The following ANGPT1 variants were observed in gnomAD, a reference collection of about 807,000 sequenced individuals.
ANGPT1 encodes the protein angiopoietin 1, also known as angiopoietin-1.
In ANGPT1, 17 loss-of-function variants were observed where a neutral mutation model predicts 62.2. The ratio of observed to expected loss-of-function variants is 0.27; its 90% CI spans 0.19 to 0.41. The LOEUF is 0.41. ANGPT1 is among the 10% of genes least tolerant of loss of function. The pLI is 1.00. For synonymous variants in ANGPT1, 199 were observed against 198.9 expected (o/e 1.00, Z 0.00); for missense variants, 478 against 594.9 (o/e 0.80, Z 2.04).
intron 4 of ANGPT1, among the ~76,000 whole-genome samples, chr8:107,305,389 G>A (rs1814690450): frequency 6.6e-6 from 1 of 151,790 alleles, no homozygotes; most frequent in South Asian, 2.1e-4. Flanking sequence ...TATGTATGGA[G>A]AACACATTCC....
chr8:107,450,955 T>TGAG (rs1811762782), intron 1 of ANGPT1, among the ~76,000 whole-genome samples: 1 of 151,846 alleles, frequency 6.6e-6, no homozygotes, highest in African/African-American at 2.4e-5. Flanking sequence ...AATGTATGAC[T>TGAG]GCCTTCTACA....
chr8:107,490,781 T>C (rs146472065), intron 1 of ANGPT1, among the ~76,000 whole-genome samples: 209 of 152,288 alleles, frequency 1.4e-3, no homozygotes, highest in Middle Eastern at 6.8e-3. Flanking sequence ...AATGAATTAG[T>C]GTGGCTCTGT....
In ANGPT1 at chr8:107,356,632, G is replaced by A. The variant is rs1816052801; in HGVS notation, c.298-9535C>T. Among the ~76,000 whole-genome samples, 5 of 152,160 alleles carry A rather than the reference G, an allele frequency of 3.3e-5. No individual in the cohort carries two copies. The South Asian group carries it at 6.2e-4, about 19-fold the overall frequency. On this transcript the variant is annotated intron_variant, in intron 1 of 8. Coordinates refer to ENST00000517746, the MANE Select transcript of ANGPT1 (RefSeq NM_001146.5). ...TAGAGCTTATATCTGAAAAAATACA[G>A]CCTGGAAAAATTGAGGGCTAGGGGA...
At chr8:107,272,707 G>A (rs1297340916) in intron 7 of ANGPT1, among the ~76,000 whole-genome samples, 1 of 150,620 alleles carries the variant, frequency 6.6e-6, no homozygotes, top group Non-Finnish European at 1.5e-5. Context: ...TGCTGACAGA[G>A]TGCTCTCTAT....
chr8:107,300,483 G>T (rs1334661412), intron 5 of ANGPT1, among the ~76,000 whole-genome samples: 1 of 151,610 alleles, frequency 6.6e-6, no homozygotes, highest in Non-Finnish European at 1.5e-5. Context: ...CCAGAAGAAG[G>T]CCAGGTCTTT....
intron 1 of ANGPT1, among the ~76,000 whole-genome samples, chr8:107,492,345 A>AT (rs1000470367): frequency 1.1e-4 from 16 of 151,964 alleles, no homozygotes; most frequent in African/African-American, 3.4e-4. Context: ...TATCTACTTT[A>AT]TTTTTTTTGA....
chr8:107,364,761 A>T (rs1414478610), intron 1 of ANGPT1, among the ~76,000 whole-genome samples: 1 of 152,244 alleles, frequency 6.6e-6, no homozygotes, highest in Non-Finnish European at 1.5e-5. Flanking sequence ...TAGTTGTTTC[A>T]AAACTTCAAA....
intron 1 of ANGPT1, among the ~76,000 whole-genome samples, chr8:107,492,099 C>T (rs56163052): frequency 0.3 from 45,180 of 151,922 alleles, 7,548 homozygotes; most frequent in Middle Eastern, 0.39. Context: ...CCAATAATAC[C>T]GAACTATTTG....
At chr8:107,453,149 T>A (rs1811822563) in intron 1 of ANGPT1, among the ~76,000 whole-genome samples, 1 of 152,084 alleles carries the variant, frequency 6.6e-6, no homozygotes, top group South Asian at 2.1e-4. Context: ...TAAACATACA[T>A]TAATTTGGCA....
intron 1 of ANGPT1, among the ~76,000 whole-genome samples, chr8:107,487,383 T>G (rs183632592): frequency 6.2e-4 from 95 of 152,216 alleles, no homozygotes; most frequent in Middle Eastern, 3.4e-3. Flanking sequence ...ACGTGCAGAA[T>G]GAGCAAAGTG....
intron 1 of ANGPT1, among the ~76,000 whole-genome samples, chr8:107,375,893 C>G (rs1056678299): frequency 6.6e-6 from 1 of 152,134 alleles, no homozygotes; most frequent in Admixed American, 6.5e-5. Context: ...CCCCTGTCTT[C>G]CAGGCTATAT....
chr8:107,270,013 TC>T (rs1220721952), intron 7 of ANGPT1, among the ~76,000 whole-genome samples: 11 of 152,086 alleles, frequency 7.2e-5, no homozygotes, highest in African/African-American at 2.4e-4. Context: ...TCATCACATT[TC>T]TTAATGAATA....
intron 1 of ANGPT1, among the ~76,000 whole-genome samples, chr8:107,489,483 A>G (rs1213247179): frequency 6.6e-6 from 1 of 152,196 alleles, no homozygotes; most frequent in East Asian, 1.9e-4. Context: ...GCCTAAATGC[A>G]TTCTGGATGA....
At chr8:107,399,905 A>G (rs1429286904) in intron 1 of ANGPT1, among the ~76,000 whole-genome samples, 1 of 152,156 alleles carries the variant, frequency 6.6e-6, no homozygotes, top group Non-Finnish European at 1.5e-5. Flanking sequence ...ATGTTGCGAC[A>G]CAACTGGCCC....
chr8:107,376,892 A>T (rs2436557), intron 1 of ANGPT1, among the ~76,000 whole-genome samples: 3 of 152,040 alleles, frequency 2.0e-5, no homozygotes, highest in Non-Finnish European at 4.4e-5. Context: ...TTTTGAACTT[A>T]GAGTTTAGGA....
At chr8:107,306,458 C>T (rs7843054) in intron 4 of ANGPT1, among the ~76,000 whole-genome samples, 31,811 of 151,912 alleles carry the variant, frequency 0.21, 3,989 homozygotes, top group East Asian at 0.35. Context: ...AAATTATAAA[C>T]GATTTATATG....
intron 1 of ANGPT1, among the ~76,000 whole-genome samples, chr8:107,397,316 T>C (rs1816955475): frequency 6.6e-6 from 1 of 152,084 alleles, no homozygotes; most frequent in Non-Finnish European, 1.5e-5. Flanking sequence ...GCAAGCAATA[T>C]GAAAATGGTA....
At chr8:107,426,912 A>G (rs1430581363) in intron 1 of ANGPT1, among the ~76,000 whole-genome samples, 2 of 152,206 alleles carry the variant, frequency 1.3e-5, no homozygotes, top group Non-Finnish European at 2.9e-5. Context: ...TGCTGGATGG[A>G]GTTGTGTGGA....
intron 1 of ANGPT1, among the ~76,000 whole-genome samples, chr8:107,482,386 A>C (rs528863035): frequency 6.6e-6 from 1 of 152,176 alleles, no homozygotes; most frequent in Non-Finnish European, 1.5e-5. Flanking sequence ...ATTTGCTCCC[A>C]TGTCTAGAGC....
Sources: allele counts gnomAD v4.1 joint callset (sites outside exome capture counted in the v4.1 genomes callset), GRCh38; gene constraint gnomAD v4.1.1; transcripts MANE v1.5; gene names NCBI Gene and HGNC (gene_info 2026-07-23, HGNC 2026-07-21).